ROBO1: variants seen among roughly 807,000 people sequenced by gnomAD.
ROBO1 encodes roundabout homolog 1.
Under a neutral mutation model 195.9 loss-of-function variants are expected in ROBO1, and 149 were observed. The ratio of observed to expected loss-of-function variants is 0.76; its 90% CI spans 0.67 to 0.87. The LOEUF is 0.87. Ranked by LOEUF, ROBO1 falls within the 40% of genes least tolerant of loss-of-function variation. ROBO1 has a pLI of 0.00. For missense variants in ROBO1, 1,933 were observed against 2,068.3 expected (o/e 0.93, Z 1.27); for synonymous variants, 816 against 733.2 (o/e 1.11, Z -1.82).
chr3:79,017,129 A>G lies in ROBO1; in HGVS notation c.173-78202T>C, dbSNP rs116042600. ...TTCTTTAAAGAAGTAACAATTTAATAATTTTTAAAATTTACTTTAGTTGCA... is the reference window on the plus strand; with the variant it reads ...TTCTTTAAAGAAGTAACAATTTAATGATTTTTAAAATTTACTTTAGTTGCA... On this transcript the variant is annotated intron_variant, in intron 3 of 30. Transcript: ENST00000464233. Among the ~76,000 whole-genome samples, 554 of 152,270 alleles carry G rather than the reference A, an allele frequency of 3.6e-3. 8 individuals carry two copies. Among genetic ancestry groups the G allele is most frequent in the African/African-American group, 0.012 (515 of 41,546 alleles).
intron 2 of ROBO1, among the ~76,000 whole-genome samples, chr3:79,372,686 GCTTT>G (rs2036242575): frequency 6.6e-6 from 1 of 152,088 alleles, no homozygotes; most frequent in South Asian, 2.1e-4. Context: ...CAGGAAGAAT[GCTTT>G]CACCAAAAAC....
At chr3:78,748,619 T>C (rs1486373834) in intron 4 of ROBO1, among the ~76,000 whole-genome samples, 1 of 152,144 alleles carries the variant, frequency 6.6e-6, no homozygotes, top group East Asian at 1.9e-4. Context: ...GCTCAAGCTG[T>C]TCTTTCAAAA....
intron 1 of ROBO1, among the ~76,000 whole-genome samples, chr3:79,744,970 T>C (rs891427682): frequency 7.9e-5 from 12 of 152,098 alleles, no homozygotes; most frequent in African/African-American, 2.7e-4. Context: ...ATGCCTATTT[T>C]TTCTATAATC....
chr3:79,397,018 ATT>A (rs1428080952), intron 2 of ROBO1, among the ~76,000 whole-genome samples: 1 of 152,106 alleles, frequency 6.6e-6, no homozygotes, highest in Non-Finnish European at 1.5e-5. Flanking sequence ...ATCCTTCTAT[ATT>A]TAGTCTATCT....
chr3:79,494,736 G>A (rs182159574), intron 2 of ROBO1, among the ~76,000 whole-genome samples: 3 of 152,078 alleles, frequency 2.0e-5, no homozygotes, highest in Non-Finnish European at 2.9e-5. Context: ...AATGAAGAAC[G>A]AATAGAAAAC....
chr3:79,080,266 C>T (rs1027542801), intron 3 of ROBO1, among the ~76,000 whole-genome samples: 6 of 151,624 alleles, frequency 4.0e-5, no homozygotes, highest in South Asian at 2.1e-4. Context: ...GTTTTGGTAC[C>T]GGTAGTTTAT....
intron 2 of ROBO1, among the ~76,000 whole-genome samples, chr3:79,419,264 C>T (rs546902400): frequency 6.6e-6 from 1 of 152,130 alleles, no homozygotes; most frequent in South Asian, 2.1e-4. Context: ...GTGTTTAATG[C>T]TTAATTAGAC....
intron 3 of ROBO1, among the ~76,000 whole-genome samples, chr3:79,090,148 C>T (rs567377724): frequency 6.6e-6 from 1 of 151,962 alleles, no homozygotes; most frequent in East Asian, 1.9e-4. Flanking sequence ...GCATATTGGC[C>T]AGGCTGGTCT....
At chr3:79,459,370 G>A (rs1010021811) in intron 2 of ROBO1, among the ~76,000 whole-genome samples, 1 of 152,132 alleles carries the variant, frequency 6.6e-6, no homozygotes, top group African/African-American at 2.4e-5. Flanking sequence ...TAAGTGTTAA[G>A]TGTGTGACAC....
intron 1 of ROBO1, among the ~76,000 whole-genome samples, chr3:79,617,492 T>C (rs1944861882): frequency 6.6e-6 from 1 of 151,854 alleles, no homozygotes; most frequent in Non-Finnish European, 1.5e-5. Context: ...CCTTGCCCCG[T>C]GAAAGCAACC....
chr3:79,145,994 GAGAAT>G (rs1307490024), intron 2 of ROBO1, among the ~76,000 whole-genome samples: 1 of 149,900 alleles, frequency 6.7e-6, no homozygotes, highest in Non-Finnish European at 1.5e-5. Flanking sequence ...TTAAACCTTT[GAGAAT>G]AGTTCAAGTG....
At chr3:79,655,310 C>T (rs1178452483) in intron 1 of ROBO1, among the ~76,000 whole-genome samples, 1 of 151,956 alleles carries the variant, frequency 6.6e-6, no homozygotes, top group South Asian at 2.1e-4. Flanking sequence ...ACCATATCAA[C>T]AGGGACTTCG....
chr3:79,610,610 T>G (rs1185479786), intron 1 of ROBO1, among the ~76,000 whole-genome samples: 7 of 152,022 alleles, frequency 4.6e-5, no homozygotes, highest in Admixed American at 2.6e-4. Context: ...GTGAAGCATG[T>G]TAATTGTTTA....
intron 3 of ROBO1, among the ~76,000 whole-genome samples, chr3:79,123,811 A>G (rs193180155): frequency 6.6e-6 from 1 of 152,154 alleles, no homozygotes; most frequent in Non-Finnish European, 1.5e-5. Flanking sequence ...TAATAGGACA[A>G]ATCTGACACC....
intron 4 of ROBO1, among the ~76,000 whole-genome samples, chr3:78,839,214 T>C (rs1023714672): frequency 6.6e-6 from 1 of 151,298 alleles, no homozygotes; most frequent in Non-Finnish European, 1.5e-5. Flanking sequence ...CGCTAGAATA[T>C]TTGATCACCT....
At position 78,837,523 on chromosome 3, in the gene ROBO1, A is replaced by C. The variant is rs990266565; in HGVS notation, c.500-90623T>G. 1.3e-5 allele frequency among the ~76,000 whole-genome samples: 2 copies of C among 152,154 alleles called. 1 individual carries two copies. The highest frequency in any genetic ancestry group is 3.8e-4 in the East Asian group (2 of 5,200). Reference sequence around the variant, plus strand: ...AGAATTATTAAATTCTAAGAGAAAAAATGCTGTCAAAATTATTTTTTGTTA... The same window carrying C: ...AGAATTATTAAATTCTAAGAGAAAACATGCTGTCAAAATTATTTTTTGTTA... On this transcript the variant is annotated intron_variant, in intron 4 of 30. Coordinates refer to ENST00000464233, the MANE Select transcript of ROBO1 (RefSeq NM_002941.4).
At position 78,806,524 on chromosome 3, in the gene ROBO1, C is replaced by T. The variant is rs542829649; in HGVS notation, c.500-59624G>A. On this transcript the variant is annotated intron_variant, in intron 4 of 30. Coordinates refer to ENST00000464233, the MANE Select transcript of ROBO1 (RefSeq NM_002941.4). ...TGTTTGGAAAAGTAATGAGTGTGGA[C>T]GTGGGCAGCAGGTTTCAAGAGAAGA... Among the ~76,000 whole-genome samples, 7 of 152,076 alleles carry T rather than the reference C, an allele frequency of 4.6e-5. No individual in the cohort carries two copies. The East Asian group carries it at 5.8e-4, about 13-fold the overall frequency.
At chr3:79,502,121 T>C (rs1032277050) in intron 2 of ROBO1, among the ~76,000 whole-genome samples, 1 of 152,194 alleles carries the variant, frequency 6.6e-6, no homozygotes, top group Non-Finnish European at 1.5e-5. Flanking sequence ...TCACTCGTTA[T>C]CCGCGCCTTC....
chr3:79,058,148 C>A (rs2078847392), intron 3 of ROBO1, among the ~76,000 whole-genome samples: 1 of 151,922 alleles, frequency 6.6e-6, no homozygotes, highest in Non-Finnish European at 1.5e-5. Flanking sequence ...ATTTTGAGGC[C>A]CCATCTAAAA....
Sources: allele counts gnomAD v4.1 joint callset (sites outside exome capture counted in the v4.1 genomes callset), GRCh38; gene constraint gnomAD v4.1.1; transcripts MANE v1.5; gene names NCBI Gene and HGNC (gene_info 2026-07-23, HGNC 2026-07-21).